RNF170: variants seen among roughly 807,000 people sequenced by gnomAD.
The protein encoded by RNF170 is E3 ubiquitin-protein ligase RNF170.
A neutral mutation model predicts 32.7 loss-of-function variants in RNF170; 12 were observed. The observed-to-expected ratio is 0.37, with a 90% CI of 0.24 to 0.60. RNF170 has a LOEUF of 0.60. Ranked by LOEUF, RNF170 falls within the 20% of genes least tolerant of loss-of-function variation. The pLI is 0.72. For missense variants in RNF170, 212 were observed against 311.2 expected (o/e 0.68, Z 2.40); for synonymous variants, 91 against 103.6 (o/e 0.88, Z 0.74).
intron 2 of RNF170, among the ~76,000 whole-genome samples, chr8:42,881,874 G>A (rs1035109562): frequency 1.3e-5 from 2 of 152,198 alleles, no homozygotes; most frequent in African/African-American, 4.8e-5. Context: ...GATTGAGGCT[G>A]CAGTGAGCCA....
chr8:42,850,620 G>A (rs1429373108), downstream of RNF170: 7 of 758,404 alleles, frequency 9.2e-6, no homozygotes, highest in Non-Finnish European at 1.5e-5. Context: ...CATAGAGCTT[G>A]TGTTCTAGTG....
At chr8:42,896,814 A>C (rs1417332888), upstream of RNF170, 7 of 158,636 alleles carry the variant, frequency 4.4e-5, no homozygotes, top group Non-Finnish European at 1.4e-5. Context: ...GAGCGTGCGC[A>C]GTGGCTCCTC....
chr8:42,850,232 C>G (rs1054241972), downstream of RNF170: 3 of 164,128 alleles, frequency 1.8e-5, no homozygotes, highest in African/African-American at 7.2e-5. Context: ...AGGAAATGAG[C>G]AACCAAGGTC....
chr8:42,855,479 A>C lies in RNF170; in HGVS notation c.*680T>G. 8.8e-7 allele frequency: 1 copy of C among 1,136,212 alleles called. No individual in the cohort carries two copies. Among genetic ancestry groups the C allele is most frequent in the Non-Finnish European group, 1.2e-6 (1 of 851,578 alleles). 70.4% of individuals were successfully genotyped at this position (1,136,212 alleles called of 1,614,324 possible). ...ACCCGCCTCAGCCTCCCAAAGTGCT[A>C]GGATTACAGGCGTGAGCCACCCCGC... On this transcript the variant is annotated 3_prime_UTR_variant, in exon 7 of 7. Transcript: ENST00000527424.
At chr8:42,860,757 G>A (rs973067126) in intron 6 of RNF170, among the ~76,000 whole-genome samples, 5 of 151,196 alleles carry the variant, frequency 3.3e-5, no homozygotes, top group Non-Finnish European at 7.4e-5. Context: ...CACTCTCGTC[G>A]CCCAGGCTGG....
At chr8:42,863,075 T>G (rs369920285) in intron 5 of RNF170, among the ~76,000 whole-genome samples, 2 of 152,176 alleles carry the variant, frequency 1.3e-5, no homozygotes, top group East Asian at 3.8e-4. Flanking sequence ...TGTGTTCCAG[T>G]CAGAGGCGGC....
chr8:42,866,559 G>A (rs183870634), intron 4 of RNF170, among the ~76,000 whole-genome samples: 18 of 151,328 alleles, frequency 1.2e-4, no homozygotes, highest in African/African-American at 4.4e-4. Flanking sequence ...ACTATAGCCG[G>A]CTGACAGTGC....
Position 42,856,455 on chromosome 8 carries a change from G to T in RNF170, c.508-27C>A, listed in dbSNP as rs769160570. 4.7e-6 allele frequency: 7 copies of T among 1,499,022 alleles called. No individual in the cohort carries two copies. In the South Asian group the frequency reaches 8.0e-5, roughly 17 times the overall value. The allele number at this position is 1,499,022 out of a possible 1,614,324, so 92.9% of individuals were successfully genotyped here. A position where few individuals can be genotyped will look rare whatever the true frequency, so the allele number is the denominator to read the frequency against. On this transcript the variant is annotated intron_variant, in intron 6 of 6. Coordinates refer to ENST00000527424, the MANE Select transcript of RNF170 (RefSeq NM_030954.4). The stretch of plus-strand genomic sequence containing the variant: ...TGGTAGAGGGAAAAACAAGTATTAT[G>T]ATTCAGCACCTAATGTGTCAGATTT...
At chr8:42,865,907 C>T (rs551675794) in intron 4 of RNF170, among the ~76,000 whole-genome samples, 2 of 152,034 alleles carry the variant, frequency 1.3e-5, no homozygotes, top group African/African-American at 4.8e-5. Flanking sequence ...ATCACTTGAA[C>T]CCGGGAGGTG....
intron 1 of RNF170, among the ~76,000 whole-genome samples, chr8:42,893,605 T>C (rs1806497656): frequency 6.6e-6 from 1 of 152,204 alleles, no homozygotes; most frequent in African/African-American, 2.4e-5. Context: ...TATAATGAGA[T>C]AATGAAGGTA....
At chr8:42,861,066 A>T (rs767463045) in intron 6 of RNF170, among the ~76,000 whole-genome samples, 3 of 152,248 alleles carry the variant, frequency 2.0e-5, no homozygotes, top group Non-Finnish European at 4.4e-5. Context: ...TAGGGCAAAT[A>T]GAATAAACCA....
At chr8:42,850,724 T>TCACTGCCTACTTTTGCACTACTTTTG, downstream of RNF170, 1 of 1,544,756 alleles carries the variant, frequency 6.5e-7, no homozygotes, top group East Asian at 2.5e-5. Context: ...GAGGGGAGGG[T>TCACTGCCTACTTTTGCACTACTTTTG]CACTGCCTAC....
In RNF170 at chr8:42,853,972, C is replaced by T. The variant is rs766090389; in HGVS notation, c.*2187G>A. On this transcript the variant is annotated 3_prime_UTR_variant, in exon 7 of 7. Transcript: ENST00000527424. ...AGAATGCATGCACACAAAATAAAAT[C>T]CTGTCAAAAAATGACATCACCATTC... is the stretch of plus-strand genomic sequence containing the variant. The T allele has an allele frequency of 3.9e-6, 5 of 1,287,058 alleles. No individual in the cohort carries two copies. Among genetic ancestry groups the T allele is most frequent in the Non-Finnish European group, 5.1e-6 (5 of 988,592 alleles). The allele number at this position is 1,287,058 out of a possible 1,614,324, so 79.7% of individuals were successfully genotyped here.
At chr8:42,887,893 T>C (rs764391008) in intron 1 of RNF170, 22 bp from the exon 2 acceptor site, 16 of 1,606,058 alleles carry the variant, frequency 1.0e-5, no homozygotes, top group Admixed American at 1.7e-5. Context: ...AGAAACAAGA[T>C]GAGAGTTACA....
rs1159338726 is a variant in RNF170 at position 42,855,009 on chromosome 8, C to G, written c.*1150G>C. The G allele has an allele frequency of 2.3e-6, 3 of 1,287,240 alleles. No homozygotes were observed. Among genetic ancestry groups the G allele is most frequent in the East Asian group, 5.5e-5 (1 of 18,030 alleles). 79.7% of individuals were successfully genotyped at this position (1,287,240 alleles called of 1,614,324 possible). A position where few individuals can be genotyped will look rare whatever the true frequency, so the allele number is the denominator to read the frequency against. On this transcript the variant is annotated 3_prime_UTR_variant, in exon 7 of 7. Transcript: ENST00000527424. ...TAATTTCTTTTGTCAAATGTAAATA[C>G]CGTTCCCAGTACCTTCCTATTGGCT...
intron 4 of RNF170, 27 bp downstream of exon 4, chr8:42,869,977 T>C: frequency 6.5e-7 from 1 of 1,532,174 alleles, no homozygotes; most frequent in Non-Finnish European, 9.0e-7. Flanking sequence ...ACAGTCACTT[T>C]TCCCAAGTAT....
At chr8:42,887,072 C>T (rs1805886316) in intron 2 of RNF170, among the ~76,000 whole-genome samples, 2 of 152,106 alleles carry the variant, frequency 1.3e-5, no homozygotes, top group Admixed American at 1.3e-4. Flanking sequence ...GCAGGTGGAT[C>T]ACCTCAGGTC....
At chr8:42,859,848 C>G (rs960562309) in intron 6 of RNF170, among the ~76,000 whole-genome samples, 1 of 152,098 alleles carries the variant, frequency 6.6e-6, no homozygotes, top group African/African-American at 2.4e-5. Context: ...CAAAGTCTTG[C>G]TAAGTTGCCC....
At position 42,862,208 on chromosome 8, in the gene RNF170, C is replaced by A. The variant is rs946262758; in HGVS notation, c.397-353G>T. On this transcript the variant is annotated intron_variant, in intron 5 of 6. Coordinates refer to ENST00000527424, the MANE Select transcript of RNF170 (RefSeq NM_030954.4). ...AGTGACATAAAATATATAACTGTCA[C>A]TTTAAGACAGAAAAATTATGGTTTT... 2.0e-5 allele frequency among the ~76,000 whole-genome samples: 3 copies of A among 152,098 alleles called. No individual in the cohort carries two copies. The East Asian group carries it at 5.8e-4, about 29-fold the overall frequency.
Sources: gnomAD v4.1 joint callset for allele counts (sites outside exome capture counted in the v4.1 genomes callset) on GRCh38, gnomAD v4.1.1 for gene constraint, MANE v1.5 for transcripts, NCBI Gene and HGNC (gene_info 2026-07-23, HGNC 2026-07-21) for gene names.